The following PLEKHG4B variants were observed in gnomAD, a reference collection of about 807,000 sequenced individuals.
The protein encoded by PLEKHG4B is pleckstrin homology domain-containing family G member 4B.
Under a neutral mutation model 121.3 loss-of-function variants are expected in PLEKHG4B, and 111 were observed. The ratio of observed to expected loss-of-function variants is 0.92; its 90% CI spans 0.78 to 1.07. The LOEUF (loss-of-function observed/expected upper bound fraction) is 1.07. PLEKHG4B is among the 50% of genes least tolerant of loss of function. The pLI is 0.00. For synonymous variants in PLEKHG4B, 738 were observed against 725.0 expected, an observed-to-expected ratio of 1.02 and a Z score of -0.29; for missense variants, 1,831 against 1,757.8, an observed-to-expected ratio of 1.04 and a Z score of -0.74.
rs1579338192 is a variant in PLEKHG4B, at chr5:182,557, A to G, written c.*234A>G. ...AACAAACCTTCCACTTCCACCCAAG[A>G]CAACAGCATAGGAAACAGACCTAAA... is the stretch of plus-strand genomic sequence containing the variant. On this transcript the variant is annotated 3_prime_UTR_variant, in exon 20 of 20. Transcript: ENST00000637938. 1 of 548,998 alleles carries G rather than the reference A, an allele frequency of 1.8e-6. No homozygotes were observed. The highest frequency in any genetic ancestry group is 1.9e-5 in the African/African-American group (1 of 53,530). The allele number at this position is 548,998 out of a possible 1,614,324, so 34.0% of individuals were successfully genotyped here.
In PLEKHG4B at chr5:169,151, G is replaced by A. The variant is rs879787312; in HGVS notation, c.3477-189G>A. On this transcript the variant is annotated intron_variant, in intron 13 of 19. Transcript: ENST00000637938. ...AGCCTCCCAAAGTCCTGGGATTACA[G>A]GCACGAGCCCCCACGCCTGGCCGGA... The A allele has an allele frequency of 5.7e-6, 4 of 698,838 alleles. No homozygotes were observed. The African/African-American group carries it at 7.2e-5, about 13-fold the overall frequency. The allele number at this position is 698,838 out of a possible 1,614,324, so 43.3% of individuals were successfully genotyped here.
At chr5:181,160 G>A (rs1384689586) in intron 18 of PLEKHG4B, among the ~76,000 whole-genome samples, 4 of 152,264 alleles carry the variant, frequency 2.6e-5, no homozygotes, top group South Asian at 2.1e-4. Context: ...CCATGGACAC[G>A]GCTCCCAGGC....
chr5:158,815 C>A (rs1301567304), intron 11 of PLEKHG4B, among the ~76,000 whole-genome samples: 2 of 152,132 alleles, frequency 1.3e-5, no homozygotes, highest in Non-Finnish European at 2.9e-5. Context: ...CCCCACTCTG[C>A]CCCATCCTGT....
chr5:161,334 TG>T (rs945812106), intron 11 of PLEKHG4B, among the ~76,000 whole-genome samples: 27 of 152,266 alleles, frequency 1.8e-4, no homozygotes, highest in African/African-American at 6.3e-4. Flanking sequence ...TGGAAAGTCC[TG>T]GATCTATTGT....
chr5:156,622 C>T lies in PLEKHG4B; in HGVS notation c.2349-151C>T, dbSNP rs6893991. 136,331 of 1,084,866 alleles carry T rather than the reference C, an allele frequency of 0.13. 11,411 individuals carry two copies. Among genetic ancestry groups the T allele is most frequent in the African/African-American group, 0.37 (23,015 of 62,310 alleles). The allele number at this position is 1,084,866 out of a possible 1,614,324, so 67.2% of individuals were successfully genotyped here. A position where few individuals can be genotyped will look rare whatever the true frequency, so the allele number is the denominator to read the frequency against. On this transcript the variant is annotated intron_variant, in intron 10 of 19. Transcript: ENST00000637938. The surrounding 1 kb of genome is among the most constrained non-coding windows in gnomAD (Gnocchi z 4.4). ...GCAGAACGCATGGAGCACATCTGTGCCCCGCCTCGGTTGTGGGCCTCCTCC... is the reference window on the plus strand; with the variant it reads ...GCAGAACGCATGGAGCACATCTGTGTCCCGCCTCGGTTGTGGGCCTCCTCC...
chr5:131,754 T>G (rs899815021), intron 2 of PLEKHG4B, among the ~76,000 whole-genome samples: 5 of 152,210 alleles, frequency 3.3e-5, no homozygotes, highest in Non-Finnish European at 5.9e-5. Context: ...TTCCTATTTC[T>G]CCACATCTTC....
chr5:163,561 TC>T lies in PLEKHG4B; in HGVS notation c.3476+18del, dbSNP rs1028335542. On this transcript the variant is annotated intron_variant, in intron 13 of 19. Coordinates refer to ENST00000637938, the MANE Select transcript of PLEKHG4B (RefSeq NM_052909.5). Reference sequence around the variant, plus strand: ...AGCAGGTGGGCAGGTGAGGTGGACGTCCCCCTCCTCTCGTCCTAGCAGTCCT... The same window carrying T: ...AGCAGGTGGGCAGGTGAGGTGGACGTCCCCTCCTCTCGTCCTAGCAGTCCT... The T allele has an allele frequency of 3.9e-6, 6 of 1,552,696 alleles. No homozygotes were observed. The highest frequency in any genetic ancestry group is 2.3e-5 in the East Asian group (1 of 42,576).
At chr5:94,149 A>C (rs149094704) in intron 1 of PLEKHG4B, among the ~76,000 whole-genome samples, 2 of 152,236 alleles carry the variant, frequency 1.3e-5, no homozygotes, top group African/African-American at 2.4e-5. Context: ...GTTTGAGCCA[A>C]ACTCAAGGTC....
intron 13 of PLEKHG4B, among the ~76,000 whole-genome samples, chr5:165,443 G>GGC (rs1736285037): frequency 2.0e-5 from 1 of 50,230 alleles, no homozygotes; most frequent in Non-Finnish European, 4.4e-5. Context: ...CTAATGCTCT[G>GGC]ATGGGGCGGG....
chr5:146,564 C>T, intron 6 of PLEKHG4B, among the ~76,000 whole-genome samples: 1 of 144,844 alleles, frequency 6.9e-6, no homozygotes, highest in South Asian at 2.3e-4. Context: ...CCTCCTCTTT[C>T]CCCTAAGGTC....
At chr5:128,448 A>C (rs961061236) in intron 2 of PLEKHG4B, among the ~76,000 whole-genome samples, 6 of 152,200 alleles carry the variant, frequency 3.9e-5, no homozygotes, top group African/African-American at 1.4e-4. Flanking sequence ...AGATTAAAAA[A>C]ATCAGAGCTT....
At chr5:172,869 T>C in intron 16 of PLEKHG4B, 28 bp from the exon 17 acceptor site, 1 of 1,612,678 alleles carries the variant, frequency 6.2e-7, no homozygotes. Context: ...TTTTCTTGGA[T>C]GAAATCCACC....
intron 5 of PLEKHG4B, 126 bp from the exon 6 acceptor site, chr5:144,701 A>T: frequency 2.6e-6 from 2 of 757,798 alleles, no homozygotes; most frequent in Admixed American, 4.9e-5. Flanking sequence ...GTTGATGTGT[A>T]TAGAGAACCC....
At chr5:126,860 G>A (rs535336293) in intron 2 of PLEKHG4B, among the ~76,000 whole-genome samples, 1 of 152,296 alleles carries the variant, frequency 6.6e-6, no homozygotes, top group African/African-American at 2.4e-5. Context: ...GGGAAATCTG[G>A]CCTGCGGCAG....
At chr5:151,472 T>C (rs768655342) in intron 6 of PLEKHG4B, 41 bp from the exon 7 acceptor site, 1 of 1,360,752 alleles carries the variant, frequency 7.3e-7, no homozygotes, top group African/African-American at 1.5e-5. Context: ...AGTTAAAAAT[T>C]AGAAAGCTAA....
intron 1 of PLEKHG4B, among the ~76,000 whole-genome samples, chr5:111,857 G>A (rs1734167994): frequency 6.6e-6 from 1 of 152,106 alleles, no homozygotes; most frequent in Non-Finnish European, 1.5e-5. Flanking sequence ...GGTGCCCGAT[G>A]TGGGTGATTC....
intron 6 of PLEKHG4B, among the ~76,000 whole-genome samples, chr5:148,013 T>A (rs1735480967): frequency 6.6e-6 from 1 of 152,066 alleles, no homozygotes; most frequent in Admixed American, 6.5e-5. Flanking sequence ...AAAAAAAGCA[T>A]TTGACAAAAT....
Position 182,492 on chromosome 5 carries a change from A to G in PLEKHG4B, c.*169A>G. Reference sequence around the variant, plus strand: ...TTTCCCAGGATTTTAGACATTCCCTAACATTTTCAAACAAATTTATAATTT... The same window carrying G: ...TTTCCCAGGATTTTAGACATTCCCTGACATTTTCAAACAAATTTATAATTT... On this transcript the variant is annotated 3_prime_UTR_variant, in exon 20 of 20. Transcript: ENST00000637938. 1 of 641,262 alleles carries G rather than the reference A, an allele frequency of 1.6e-6. No individual in the cohort carries two copies. The highest frequency in any genetic ancestry group is 2.4e-5 in the South Asian group (1 of 42,198). 39.7% of individuals were successfully genotyped at this position (641,262 alleles called of 1,614,324 possible). A position where few individuals can be genotyped will look rare whatever the true frequency, so the allele number is the denominator to read the frequency against.
rs1251162167 is a variant in PLEKHG4B, at chr5:189,588, G to A, written c.*7265G>A. On this transcript the variant is annotated 3_prime_UTR_variant, in exon 20 of 20. Transcript: ENST00000637938. ...TAAGGAGCCCAGAGCCGTGGCCCCAGGTTGGGACGGCGGCGCCAGAGCTGG... is the reference window on the plus strand; with the variant it reads ...TAAGGAGCCCAGAGCCGTGGCCCCAAGTTGGGACGGCGGCGCCAGAGCTGG... 1 of 152,268 alleles carries A rather than the reference G, an allele frequency of 6.6e-6. No individual in the cohort carries two copies. The highest frequency in any genetic ancestry group is 1.5e-5 in the Non-Finnish European group (1 of 68,100). The allele number at this position is 152,268 out of a possible 1,614,324, so 9.4% of individuals were successfully genotyped here.
Sources: allele counts gnomAD v4.1 joint callset (sites outside exome capture counted in the v4.1 genomes callset), GRCh38; gene constraint gnomAD v4.1.1; non-coding constraint Gnocchi (gnomAD v3.1); transcripts MANE v1.5; gene names NCBI Gene and HGNC (gene_info 2026-07-23, HGNC 2026-07-21).